Variants in VWA3B observed in about 807,000 individuals in gnomAD.
The protein encoded by VWA3B is von Willebrand factor A domain containing 3B, also known as von Willebrand factor A domain-containing protein 3B.
A neutral mutation model predicts 158.3 loss-of-function variants in VWA3B; 138 were observed. The observed-to-expected ratio is 0.87, with a 90% CI of 0.76 to 1.00. VWA3B has a LOEUF of 1.00. Among genes scored for constraint, VWA3B ranks in the 50% least tolerant of loss-of-function variants. The probability of loss-of-function intolerance (pLI) is 0.00; values close to 1 mark genes in which losing one functional copy is unlikely to be tolerated. For synonymous variants in VWA3B, 596 were observed against 587.3 expected (o/e 1.01, Z -0.21); for missense variants, 1,555 against 1,565.1 (o/e 0.99, Z 0.11).
intron 8 of VWA3B, among the ~76,000 whole-genome samples, chr2:98,179,780 TCTTTCTTTTCTTTC>T (rs1680337950): frequency 1.4e-5 from 1 of 73,220 alleles, no homozygotes; most frequent in Non-Finnish European, 3.1e-5. Context: ...TCTTTCTTTC[TCTTTCTTTTCTTTC>T]TTTCTTTCTT....
At chr2:98,222,578 G>A (rs1684597855) in intron 14 of VWA3B, among the ~76,000 whole-genome samples, 1 of 152,138 alleles carries the variant, frequency 6.6e-6, no homozygotes, top group South Asian at 2.1e-4. Flanking sequence ...AAGATTCTTT[G>A]TCCCTGTGGG....
the VWA3B span, among the ~76,000 whole-genome samples, chr2:98,322,842 C>T: frequency 6.6e-6 from 1 of 152,156 alleles, no homozygotes; most frequent in Admixed American, 6.5e-5. Context: ...AGGATAAAAG[C>T]AGCAATTTGA....
At chr2:98,205,776 T>A (rs536440129) in intron 12 of VWA3B, among the ~76,000 whole-genome samples, 29 of 152,322 alleles carry the variant, frequency 1.9e-4, no homozygotes, top group African/African-American at 6.3e-4. Context: ...ATTTAACTTT[T>A]GGGCCATGAA....
At chr2:98,267,751 G>C (rs1262694238) in intron 21 of VWA3B, among the ~76,000 whole-genome samples, 3 of 152,028 alleles carry the variant, frequency 2.0e-5, no homozygotes, top group African/African-American at 7.3e-5. Flanking sequence ...GGATCCAGGA[G>C]CTGGTTTTTT....
chr2:98,174,406 G>A (rs1278620001), intron 8 of VWA3B, among the ~76,000 whole-genome samples: 1 of 152,148 alleles, frequency 6.6e-6, no homozygotes, highest in Non-Finnish European at 1.5e-5. Flanking sequence ...TTCTCATTAT[G>A]TGACCTGTTC....
At chr2:98,263,969 C>A (rs147238967) in intron 21 of VWA3B, among the ~76,000 whole-genome samples, 1 of 151,638 alleles carries the variant, frequency 6.6e-6, no homozygotes. Flanking sequence ...TCTTAGTAGG[C>A]GGTATGTTTC....
Position 98,223,914 on chromosome 2 carries a change from G to C in VWA3B, c.2020-4288G>C, listed in dbSNP as rs566006394. 7.2e-5 allele frequency among the ~76,000 whole-genome samples: 11 copies of C among 152,098 alleles called. 1 individual carries two copies. The South Asian group carries it at 2.3e-3, about 32-fold the overall frequency. On this transcript the variant is annotated intron_variant, in intron 14 of 27. Coordinates refer to ENST00000477737, the MANE Select transcript of VWA3B (RefSeq NM_144992.5). ...CGTGGCTAATTTTTTTATTTGTAGA[G>C]ATAGGGTCACACTATGTCGCCCAGG...
intron 12 of VWA3B, among the ~76,000 whole-genome samples, chr2:98,196,364 A>T (rs987139457): frequency 5.9e-5 from 9 of 152,224 alleles, no homozygotes; most frequent in Admixed American, 4.6e-4. Context: ...AAAACATTAC[A>T]TTGTATACCA....
intron 2 of VWA3B, among the ~76,000 whole-genome samples, chr2:98,114,174 C>T (rs917812268): frequency 3.9e-5 from 6 of 152,206 alleles, no homozygotes; most frequent in Non-Finnish European, 8.8e-5. Context: ...GGATGCAGAA[C>T]TCACAATGCC....
chr2:98,108,692 C>T (rs1234260521), intron 2 of VWA3B, among the ~76,000 whole-genome samples: 1 of 151,668 alleles, frequency 6.6e-6, no homozygotes, highest in Non-Finnish European at 1.5e-5. Context: ...TTTGCATGGC[C>T]TATCTTTTTC....
intron 19 of VWA3B, among the ~76,000 whole-genome samples, chr2:98,244,011 A>T (rs1008248269): frequency 2.6e-5 from 4 of 152,204 alleles, no homozygotes; most frequent in Non-Finnish European, 5.9e-5. Flanking sequence ...CCAGTTTCAC[A>T]CTAGTTTCTC....
chr2:98,195,720 T>C (rs1681987010), intron 12 of VWA3B, among the ~76,000 whole-genome samples: 1 of 152,220 alleles, frequency 6.6e-6, no homozygotes, highest in African/African-American at 2.4e-5. Flanking sequence ...GGTTCTGCTT[T>C]ATATAAAAAT....
intron 22 of VWA3B, among the ~76,000 whole-genome samples, chr2:98,285,647 G>A (rs1284476405): frequency 6.6e-5 from 10 of 150,774 alleles, no homozygotes; most frequent in African/African-American, 2.2e-4. Context: ...ATGACTGTAG[G>A]TATAGGAAGT....
intron 19 of VWA3B, among the ~76,000 whole-genome samples, chr2:98,244,686 G>C (rs1397028508): frequency 6.6e-6 from 1 of 152,104 alleles, no homozygotes; most frequent in African/African-American, 2.4e-5. Context: ...TAATTTCAAA[G>C]GGGAATAAAG....
intron 7 of VWA3B, among the ~76,000 whole-genome samples, chr2:98,138,568 C>T (rs755974287): frequency 5.9e-5 from 9 of 152,174 alleles, no homozygotes; most frequent in Non-Finnish European, 1.0e-4. Flanking sequence ...ATGTGTGGGG[C>T]GGGGGCGCGG....
rs746576323 is a variant in VWA3B, at chr2:98,228,225, T to C, written c.2043T>C (p.Val681=). 2.8e-5 allele frequency: 45 copies of C among 1,613,356 alleles called. No individual in the cohort carries two copies. The highest frequency in any genetic ancestry group is 8.5e-7 in the Non-Finnish European group (1 of 1,179,804). Residue 681 remains valine, a synonymous_variant, in exon 15 of 28, where the codon GTT becomes GTC. Transcript: ENST00000477737. The part of the protein sequence containing the change: ...AVQNEDLTLL[V]KEMEQGHSDL... The stretch of plus-strand genomic sequence containing the variant: ...AGAATGAAGATCTGACTCTTTTAGT[T>C]AAGGAAATGGAACAGGGTCACAGTG...
chr2:98,265,505 C>T (rs112733962), intron 21 of VWA3B, among the ~76,000 whole-genome samples: 6 of 151,940 alleles, frequency 3.9e-5, no homozygotes, highest in Admixed American at 6.5e-5. Context: ...AATAAACATA[C>T]GTGTGCGTGT....
chr2:98,155,903 G>C (rs1678028488), intron 7 of VWA3B, among the ~76,000 whole-genome samples: 1 of 152,066 alleles, frequency 6.6e-6, no homozygotes, highest in Non-Finnish European at 1.5e-5. Flanking sequence ...TTTTCTCCAA[G>C]AATATTTTGG....
chr2:98,170,573 G>A (rs1445857286), intron 8 of VWA3B, among the ~76,000 whole-genome samples: 2 of 151,840 alleles, frequency 1.3e-5, no homozygotes, highest in Admixed American at 1.3e-4. Flanking sequence ...TATAGTCCTG[G>A]GTGGTGATGA....
Sources: allele counts gnomAD v4.1 joint callset (sites outside exome capture counted in the v4.1 genomes callset), GRCh38; gene constraint gnomAD v4.1.1; transcripts MANE v1.5; gene names NCBI Gene and HGNC (gene_info 2026-07-23, HGNC 2026-07-21).